Variants in SHISAL2B observed in about 807,000 individuals in gnomAD.
The protein encoded by SHISAL2B is protein shisa-like-2B.
SHISAL2B carries 12 observed loss-of-function variants against 16.5 expected under a neutral mutation model. The ratio of observed to expected loss-of-function variants is 0.73; its 90% CI spans 0.47 to 1.18. The LOEUF is 1.18. SHISAL2B is among the 50% of genes most tolerant of loss of function. SHISAL2B has a pLI of 0.00. For synonymous variants in SHISAL2B, 72 were observed against 75.0 expected (o/e 0.96, Z 0.21); for missense variants, 183 against 193.6 (o/e 0.95, Z 0.33).
chr5:64,696,900 T>A (rs938542825), intron 2 of SHISAL2B, among the ~76,000 whole-genome samples: 1 of 152,234 alleles, frequency 6.6e-6, no homozygotes, highest in African/African-American at 2.4e-5. Context: ...GCATGTGATC[T>A]TTGTTCTCCT....
At chr5:64,716,688 A>G (rs1324022467) in intron 2 of SHISAL2B, among the ~76,000 whole-genome samples, 7 of 152,202 alleles carry the variant, frequency 4.6e-5, no homozygotes, top group Non-Finnish European at 5.9e-5. Flanking sequence ...GACAGAGTGA[A>G]TAATCAGTGC....
At chr5:64,709,082 AT>A (rs1741914213) in intron 2 of SHISAL2B, among the ~76,000 whole-genome samples, 2 of 147,186 alleles carry the variant, frequency 1.4e-5, no homozygotes, top group Non-Finnish European at 1.5e-5. Context: ...ACATGTGCAC[AT>A]TGTGCGGGTT....
intron 2 of SHISAL2B, among the ~76,000 whole-genome samples, chr5:64,708,788 G>A (rs1260763156): frequency 2.0e-5 from 3 of 152,058 alleles, no homozygotes; most frequent in Admixed American, 2.0e-4. Flanking sequence ...TAAATGCTGT[G>A]CCTACAACAA....
chr5:64,690,590 G>A lies in SHISAL2B; in HGVS notation c.-34G>A. The stretch of plus-strand genomic sequence containing the variant: ...CGGGTGCGATCCGAGAGCAGACCGG[G>A]GCCCTCGCGAGCCTCTCCCGGCCCC... On this transcript the variant is annotated 5_prime_UTR_variant, in exon 1 of 3. Coordinates refer to ENST00000389074, the MANE Select transcript of SHISAL2B (RefSeq NM_001164442.2). 1 of 1,438,954 alleles carries A rather than the reference G, an allele frequency of 6.9e-7. No individual in the cohort carries two copies. The highest frequency in any genetic ancestry group is 9.1e-7 in the Non-Finnish European group (1 of 1,093,000). The allele number at this position is 1,438,954 out of a possible 1,614,324, so 89.1% of individuals were successfully genotyped here.
intron 2 of SHISAL2B, among the ~76,000 whole-genome samples, chr5:64,709,795 T>C (rs1259021858): frequency 6.6e-6 from 1 of 152,168 alleles, no homozygotes; most frequent in African/African-American, 2.4e-5. Flanking sequence ...CCAGTGATGA[T>C]GAGCATTTTT....
chr5:64,707,414 CG>C (rs949444422), intron 2 of SHISAL2B, among the ~76,000 whole-genome samples: 120 of 152,206 alleles, frequency 7.9e-4, no homozygotes, highest in Middle Eastern at 3.4e-3. Flanking sequence ...GAGCCCTCTA[CG>C]GGGACCGTGA....
At chr5:64,693,100 C>A (rs1459540107) in intron 1 of SHISAL2B, among the ~76,000 whole-genome samples, 1 of 151,956 alleles carries the variant, frequency 6.6e-6, no homozygotes, top group South Asian at 2.1e-4. Flanking sequence ...CTTCGCCTTC[C>A]GGGTTCACGC....
At chr5:64,704,870 A>C (rs1741854812) in intron 2 of SHISAL2B, among the ~76,000 whole-genome samples, 1 of 152,206 alleles carries the variant, frequency 6.6e-6, no homozygotes, top group Admixed American at 6.5e-5. Context: ...CTATAGCTCC[A>C]CTAAGTGCAG....
rs146427199 is a variant in SHISAL2B at position 64,695,316 on chromosome 5, C to G, written c.192-191C>G. 1.8e-3 allele frequency among the ~76,000 whole-genome samples: 273 copies of G among 150,916 alleles called. 3 individuals carry two copies. Among genetic ancestry groups the G allele is most frequent in the South Asian group, 2.9e-3 (14 of 4,762 alleles). ...ATTTAAAAGGGCCTCGAAAATCCTG[C>G]AGAGAAAATATAAGAATTTGGTGGT... is the stretch of plus-strand genomic sequence containing the variant. On this transcript the variant is annotated intron_variant, in intron 1 of 2. Coordinates refer to ENST00000389074, the MANE Select transcript of SHISAL2B (RefSeq NM_001164442.2).
rs146168178 is a variant in SHISAL2B, at chr5:64,700,863, G to A, written c.349+5199G>A. On this transcript the variant is annotated intron_variant, in intron 2 of 2. Transcript: ENST00000389074. ...TCATCAGACATTAGATTCTCGTAAG[G>A]AAAGCACAACCTAGATCCCTCACAT... Among the ~76,000 whole-genome samples the A allele has an allele frequency of 5.8e-3, 877 of 152,312 alleles. 4 individuals are homozygous for A. The highest frequency in any genetic ancestry group is 7.6e-3 in the Non-Finnish European group (515 of 68,016).
intron 2 of SHISAL2B, among the ~76,000 whole-genome samples, chr5:64,698,898 T>C (rs1442183503): frequency 1.3e-5 from 2 of 152,210 alleles, no homozygotes; most frequent in African/African-American, 4.8e-5. Context: ...ATTGTCACTG[T>C]CACAGTCATA....
intron 2 of SHISAL2B, among the ~76,000 whole-genome samples, chr5:64,716,610 T>C (rs1323024898): frequency 6.6e-6 from 1 of 152,172 alleles, no homozygotes; most frequent in African/African-American, 2.4e-5. Flanking sequence ...ATTGAGAAGA[T>C]GACTTTTGAG....
At chr5:64,703,886 G>C (rs1436638036) in intron 2 of SHISAL2B, among the ~76,000 whole-genome samples, 1 of 152,144 alleles carries the variant, frequency 6.6e-6, no homozygotes, top group African/African-American at 2.4e-5. Context: ...GCATTGAAAA[G>C]GGAGAGGTCA....
At chr5:64,696,952 A>G (rs1477955434) in intron 2 of SHISAL2B, among the ~76,000 whole-genome samples, 1 of 151,970 alleles carries the variant, frequency 6.6e-6, no homozygotes, top group Non-Finnish European at 1.5e-5. Context: ...CCTACTCCCT[A>G]TTCGTATACC....
At chr5:64,714,699 G>T (rs1014003106) in intron 2 of SHISAL2B, among the ~76,000 whole-genome samples, 1 of 152,184 alleles carries the variant, frequency 6.6e-6, no homozygotes, top group Non-Finnish European at 1.5e-5. Context: ...GAGATTCCGT[G>T]GGCGTAGGAC....
intron 2 of SHISAL2B, among the ~76,000 whole-genome samples, chr5:64,706,021 C>T (rs1242509110): frequency 6.6e-6 from 1 of 152,098 alleles, no homozygotes; most frequent in Non-Finnish European, 1.5e-5. Context: ...ATTAGCTGAG[C>T]ATGTTGGTGC....
intron 2 of SHISAL2B, among the ~76,000 whole-genome samples, chr5:64,704,782 A>G (rs1302312503): frequency 6.6e-6 from 1 of 151,994 alleles, no homozygotes; most frequent in Non-Finnish European, 1.5e-5. Context: ...AAAACAGAAA[A>G]GCTGAGGTTG....
At position 64,690,697 on chromosome 5, in the gene SHISAL2B, C is replaced by T. The variant is rs756959762; in HGVS notation, c.74C>T (p.Pro25Leu). ...AGCTTCGTGGAGCCCTTCCAGTGCC[C>T]CCGGCGCGGCGAGGGGGCAGCGCTC... The part of the protein sequence containing the change: ...NQSFVEPFQC[P>L]RRGEGAALQY... The change falls in exon 1 of 3, where the codon CCC becomes CTC. Residue 25 changes from proline to leucine, a missense_variant. Coordinates refer to ENST00000389074, the MANE Select transcript of SHISAL2B (RefSeq NM_001164442.2). 19 of 1,535,264 alleles carry T rather than the reference C, an allele frequency of 1.2e-5. No individual in the cohort carries two copies. The highest frequency in any genetic ancestry group is 1.7e-5 in the Non-Finnish European group (19 of 1,146,300).
intron 2 of SHISAL2B, among the ~76,000 whole-genome samples, chr5:64,698,190 A>G (rs1333136677): frequency 6.6e-6 from 1 of 152,178 alleles, no homozygotes; most frequent in African/African-American, 2.4e-5. Context: ...CTTGTTAAAA[A>G]CACAAGTTCC....
Sources: allele counts gnomAD v4.1 joint callset (sites outside exome capture counted in the v4.1 genomes callset), GRCh38; gene constraint gnomAD v4.1.1; transcripts MANE v1.5; gene names NCBI Gene and HGNC (gene_info 2026-07-23, HGNC 2026-07-21).